Variants in EYS observed in about 807,000 individuals in gnomAD.
EYS encodes the protein protein eyes shut homolog.
EYS carries 250 observed loss-of-function variants against 282.1 expected under a neutral mutation model. The observed-to-expected ratio is 0.89, with a 90% CI of 0.80 to 0.98. The LOEUF (loss-of-function observed/expected upper bound fraction) is 0.98. EYS is among the 50% of genes least tolerant of loss of function. EYS has a pLI of 0.00. For missense variants in EYS, 4,016 were observed against 3,709.0 expected, an observed-to-expected ratio of 1.08 and a Z score of -2.15; for synonymous variants, 1,355 against 1,282.9, an observed-to-expected ratio of 1.06 and a Z score of -1.20.
At chr6:64,893,014 A>AT (rs1212436521) in intron 18 of EYS, among the ~76,000 whole-genome samples, 3 of 151,854 alleles carry the variant, frequency 2.0e-5, no homozygotes, top group Non-Finnish European at 4.4e-5. Flanking sequence ...ATTTTCTTCT[A>AT]TTTTTTCTTT....
intron 16 of EYS, among the ~76,000 whole-genome samples, chr6:64,902,798 A>G (rs1767709410): frequency 6.6e-6 from 1 of 152,144 alleles, no homozygotes; most frequent in African/African-American, 2.4e-5. Context: ...AAATGTTTGA[A>G]CAAGAAGAAT....
chr6:64,659,658 C>G (rs1349536398), intron 22 of EYS, among the ~76,000 whole-genome samples: 2 of 152,134 alleles, frequency 1.3e-5, no homozygotes, highest in Non-Finnish European at 2.9e-5. Context: ...AATTCCTTGA[C>G]ACATACACCC....
intron 30 of EYS, among the ~76,000 whole-genome samples, chr6:64,294,749 G>A (rs1768846012): frequency 6.6e-6 from 1 of 151,926 alleles, no homozygotes; most frequent in Admixed American, 6.6e-5. Context: ...TACAAATAGT[G>A]GCACCACCTG....
intron 31 of EYS, among the ~76,000 whole-genome samples, chr6:64,175,293 G>A (rs1220259988): frequency 6.6e-6 from 1 of 151,944 alleles, no homozygotes; most frequent in African/African-American, 2.4e-5. Context: ...TCCTAACCTA[G>A]GTTCTCCAGA....
intron 36 of EYS, among the ~76,000 whole-genome samples, chr6:63,848,792 G>C (rs1236589519): frequency 6.6e-6 from 1 of 152,138 alleles, no homozygotes; most frequent in Non-Finnish European, 1.5e-5. Context: ...GCAGGAGTTA[G>C]TTTTCATACC....
chr6:65,390,594 A>T (rs1011756194), intron 7 of EYS, among the ~76,000 whole-genome samples: 2 of 151,990 alleles, frequency 1.3e-5, no homozygotes, highest in Non-Finnish European at 2.9e-5. Flanking sequence ...TGTAGAAAAA[A>T]TATTGTGGGC....
In EYS at chr6:64,637,350, A is replaced by G. The variant is rs1412413408; in HGVS notation, c.3444-11105T>C. The stretch of plus-strand genomic sequence containing the variant: ...CAGCAAACTATCGCAAGGACAAAAA[A>G]ACAAACACCACATGTTCTCACTCAT... On this transcript the variant is annotated intron_variant, in intron 22 of 42. Transcript: ENST00000503581. 3.4e-5 allele frequency among the ~76,000 whole-genome samples: 3 copies of G among 87,072 alleles called. 1 individual carries two copies. The highest frequency in any genetic ancestry group is 1.3e-4 in the African/African-American group (3 of 22,476). 57.1% of individuals were successfully genotyped at this position (87,072 alleles called of 152,430 possible).
intron 35 of EYS, among the ~76,000 whole-genome samples, chr6:63,897,308 T>G (rs1226490882): frequency 6.7e-6 from 1 of 148,808 alleles, no homozygotes; most frequent in Non-Finnish European, 1.5e-5. Context: ...TGTCAATGTT[T>G]TATCTGTGTT....
At chr6:64,348,299 T>C (rs999112409) in intron 29 of EYS, among the ~76,000 whole-genome samples, 1 of 151,512 alleles carries the variant, frequency 6.6e-6, no homozygotes, top group Non-Finnish European at 1.5e-5. Flanking sequence ...GAGAAGACCA[T>C]GCTTTTCTCT....
At chr6:64,033,747 CCATT>C (rs1769975896) in intron 33 of EYS, among the ~76,000 whole-genome samples, 1 of 151,716 alleles carries the variant, frequency 6.6e-6, no homozygotes, top group Non-Finnish European at 1.5e-5. Flanking sequence ...TAGAACTTCC[CCATT>C]CAAACTAGTT....
intron 12 of EYS, among the ~76,000 whole-genome samples, chr6:65,291,573 C>G (rs1768527097): frequency 6.6e-6 from 1 of 151,510 alleles, no homozygotes; most frequent in Non-Finnish European, 1.5e-5. Context: ...ATGAAATCCA[C>G]TGTTAACCTT....
intron 26 of EYS, among the ~76,000 whole-genome samples, chr6:64,549,551 T>C (rs1479739588): frequency 6.6e-6 from 1 of 152,198 alleles, no homozygotes; most frequent in Non-Finnish European, 1.5e-5. Flanking sequence ...CACATTGTTA[T>C]ATTCCGGGAT....
intron 26 of EYS, among the ~76,000 whole-genome samples, chr6:64,560,897 A>G (rs923725304): frequency 6.6e-6 from 1 of 152,022 alleles, no homozygotes; most frequent in Non-Finnish European, 1.5e-5. Context: ...AAAAAAGAAA[A>G]CTTCAGGCCA....
chr6:64,903,785 A>G (rs192596184), intron 16 of EYS, among the ~76,000 whole-genome samples: 3 of 152,140 alleles, frequency 2.0e-5, no homozygotes, highest in East Asian at 3.8e-4. Flanking sequence ...AGTCAATGCC[A>G]TTCTCTGTGG....
intron 12 of EYS, among the ~76,000 whole-genome samples, chr6:65,061,725 A>C (rs1489751857): frequency 1.3e-5 from 2 of 151,892 alleles, no homozygotes; most frequent in African/African-American, 4.8e-5. Flanking sequence ...CTGTTACTTA[A>C]TGATATTTAC....
chr6:63,901,091 A>G (rs66640624), intron 35 of EYS, among the ~76,000 whole-genome samples: 15,848 of 152,252 alleles, frequency 0.1, 1,277 homozygotes, highest in African/African-American at 0.23. Context: ...ACAAACAGTC[A>G]AAAGCAGCTG....
At chr6:64,034,385 T>A (rs1258864150) in intron 33 of EYS, among the ~76,000 whole-genome samples, 1 of 152,106 alleles carries the variant, frequency 6.6e-6, no homozygotes, top group Non-Finnish European at 1.5e-5. Context: ...TATCTTACGG[T>A]ATTTATTTTA....
Position 63,726,599 on chromosome 6 carries a change from G to A in EYS, c.8153C>T (p.Thr2718Ile). 6.4e-7 allele frequency: 1 copy of A among 1,551,172 alleles called. No individual in the cohort carries two copies. The highest frequency in any genetic ancestry group is 1.2e-5 in the South Asian group (1 of 84,038). ...SFASFHVRKKTHIQLQFQPLA... is the reference protein window; with the variant it reads ...SFASFHVRKKIHIQLQFQPLA... Reference sequence around the variant, plus strand: ...AGGCTGAAACTGCAATTGAATATGTGTCTTTTTTCGAACATGAAAGGAAGC... The same window carrying A: ...AGGCTGAAACTGCAATTGAATATGTATCTTTTTTCGAACATGAAAGGAAGC... Residue 2718 changes from threonine to isoleucine, a missense_variant, in exon 42 of 43, where the codon ACA becomes ATA. Physicochemically the swap from Thr to Ile is moderately conservative, Grantham distance 89 (BLOSUM62 -1). Coordinates refer to ENST00000503581, the MANE Select transcript of EYS (RefSeq NM_001142800.2).
intron 32 of EYS, among the ~76,000 whole-genome samples, chr6:64,070,382 G>A (rs984086349): frequency 1.3e-5 from 2 of 152,018 alleles, no homozygotes; most frequent in Non-Finnish European, 2.9e-5. Context: ...TTACCACTGA[G>A]ATAATCAGAA....
Sources: gnomAD v4.1 joint callset for allele counts (sites outside exome capture counted in the v4.1 genomes callset) on GRCh38, gnomAD v4.1.1 for gene constraint, MANE v1.5 for transcripts, NCBI Gene and HGNC (gene_info 2026-07-23, HGNC 2026-07-21) for gene names.